DDX4: variants seen among roughly 807,000 people sequenced by gnomAD.
DDX4 encodes probable ATP-dependent RNA helicase DDX4.
In DDX4, 25 loss-of-function variants were observed where a neutral mutation model predicts 100.0. The observed-to-expected ratio is 0.25, with a 90% CI of 0.18 to 0.35. The LOEUF is 0.35. DDX4 is among the 10% of genes least tolerant of loss of function. The probability of loss-of-function intolerance (pLI) is 1.00; values close to 1 mark genes in which losing one functional copy is unlikely to be tolerated. For missense variants in DDX4, 635 were observed against 882.4 expected (o/e 0.72, Z 3.55); for synonymous variants, 259 against 275.7 (o/e 0.94, Z 0.60).
chr5:55,755,644 A>G (rs1235683614), intron 3 of DDX4, among the ~76,000 whole-genome samples: 1 of 152,012 alleles, frequency 6.6e-6, no homozygotes, highest in Non-Finnish European at 1.5e-5. Context: ...GCTCCGGAAC[A>G]TGAAAATTAC....
At chr5:55,760,589 G>A (rs1480178942) in intron 4 of DDX4, among the ~76,000 whole-genome samples, 3 of 152,124 alleles carry the variant, frequency 2.0e-5, no homozygotes, top group African/African-American at 7.2e-5. Context: ...ATTGATGTGG[G>A]AAGAATATTT....
intron 18 of DDX4, among the ~76,000 whole-genome samples, chr5:55,808,216 C>T (rs972879051): frequency 5.3e-5 from 8 of 152,040 alleles, no homozygotes; most frequent in Non-Finnish European, 7.4e-5. Context: ...GTTAGCCATT[C>T]GTCTAATTTT....
intron 17 of DDX4, among the ~76,000 whole-genome samples, chr5:55,798,028 A>C (rs1450767401): frequency 6.6e-6 from 1 of 152,200 alleles, no homozygotes; most frequent in African/African-American, 2.4e-5. Context: ...AAATAAAAGC[A>C]ATGAGTGGAG....
chr5:55,747,359 G>A (rs775518066), intron 3 of DDX4, among the ~76,000 whole-genome samples: 10 of 152,084 alleles, frequency 6.6e-5, no homozygotes, highest in Non-Finnish European at 1.0e-4. Flanking sequence ...GCCTGGAGAT[G>A]GAGTGAGACT....
chr5:55,803,703 C>T (rs1268188911), intron 18 of DDX4, among the ~76,000 whole-genome samples: 16 of 152,036 alleles, frequency 1.1e-4, no homozygotes, highest in Non-Finnish European at 1.9e-4. Context: ...ATATGTGCCA[C>T]ATTTTCTTAA....
chr5:55,782,548 A>C (rs1032910336), intron 10 of DDX4, among the ~76,000 whole-genome samples: 1 of 151,762 alleles, frequency 6.6e-6, no homozygotes, highest in African/African-American at 2.4e-5. Flanking sequence ...CAGTAAGCCG[A>C]GATCATACCA....
At chr5:55,758,270 A>G (rs1760067848) in intron 3 of DDX4, among the ~76,000 whole-genome samples, 1 of 152,194 alleles carries the variant, frequency 6.6e-6, no homozygotes, top group Admixed American at 6.5e-5. Context: ...ATACTGGGAT[A>G]AACCCAATTA....
intron 18 of DDX4, among the ~76,000 whole-genome samples, chr5:55,801,210 G>A (rs1207407673): frequency 6.8e-6 from 1 of 147,348 alleles, no homozygotes; most frequent in African/African-American, 2.5e-5. Flanking sequence ...AAAACATGAT[G>A]GGGTGTTTTT....
At chr5:55,746,998 G>A (rs972419613) in intron 3 of DDX4, among the ~76,000 whole-genome samples, 3 of 152,198 alleles carry the variant, frequency 2.0e-5, no homozygotes, top group East Asian at 1.9e-4. Flanking sequence ...TTGGGAAGCC[G>A]AAGTAGGAAG....
At position 55,766,986 on chromosome 5, in the gene DDX4, C is replaced by T. The variant is rs1197620492; in HGVS notation, c.335-895C>T. ...CTCCAGGTAGTTTTCAGGCAGCCTTCAGTATAGTAATCTCTCATACTACTA... is the reference window on the plus strand; with the variant it reads ...CTCCAGGTAGTTTTCAGGCAGCCTTTAGTATAGTAATCTCTCATACTACTA... On this transcript the variant is annotated intron_variant, in intron 6 of 21. Transcript: ENST00000505374. 3 of 1,532,576 alleles carry T rather than the reference C, an allele frequency of 2.0e-6. No homozygotes were observed. The African/African-American group carries it at 4.1e-5, about 21-fold the overall frequency. 94.9% of individuals were successfully genotyped at this position (1,532,576 alleles called of 1,614,324 possible).
chr5:55,747,425 G>A (rs565364071), intron 3 of DDX4, among the ~76,000 whole-genome samples: 2 of 152,242 alleles, frequency 1.3e-5, no homozygotes, highest in East Asian at 1.9e-4. Context: ...ATGGTGGCCT[G>A]TGCCTGTAGT....
At chr5:55,783,519 C>T (rs1742047251) in intron 10 of DDX4, among the ~76,000 whole-genome samples, 1 of 152,026 alleles carries the variant, frequency 6.6e-6, no homozygotes, top group South Asian at 2.1e-4. Flanking sequence ...CCTGATTGTT[C>T]ATCAAAAATT....
chr5:55,771,190 A>C (rs1741232650), intron 7 of DDX4, among the ~76,000 whole-genome samples: 1 of 152,294 alleles, frequency 6.6e-6, no homozygotes, highest in Admixed American at 6.5e-5. Context: ...TAGTTCAATT[A>C]TGTTTCACAA....
At chr5:55,775,873 C>T (rs978819476) in intron 7 of DDX4, among the ~76,000 whole-genome samples, 1 of 152,178 alleles carries the variant, frequency 6.6e-6, no homozygotes, top group Non-Finnish European at 1.5e-5. Context: ...GTAATCCCAG[C>T]ACTTTGGGAG....
At chr5:55,776,127 A>T (rs1030106810) in intron 7 of DDX4, among the ~76,000 whole-genome samples, 1 of 152,220 alleles carries the variant, frequency 6.6e-6, no homozygotes, top group African/African-American at 2.4e-5. Context: ...CTCAAAAAAC[A>T]AAAAACAAGA....
At chr5:55,776,677 T>C (rs1455559906) in intron 7 of DDX4, among the ~76,000 whole-genome samples, 1 of 152,128 alleles carries the variant, frequency 6.6e-6, no homozygotes, top group Non-Finnish European at 1.5e-5. Context: ...TTCAGATAAT[T>C]AGGTGCCAGG....
intron 18 of DDX4, among the ~76,000 whole-genome samples, chr5:55,811,035 T>A (rs914192598): frequency 2.0e-5 from 3 of 149,520 alleles, no homozygotes; most frequent in South Asian, 2.1e-4. Context: ...TTTTTTTTTT[T>A]AAACAGACCT....
At chr5:55,746,709 A>G (rs7711619) in intron 3 of DDX4, among the ~76,000 whole-genome samples, 124 of 152,296 alleles carry the variant, frequency 8.1e-4, no homozygotes, top group African/African-American at 2.9e-3. Flanking sequence ...AAAGGAACCC[A>G]TATCCTTCCT....
At chr5:55,812,920 A>G (rs1034582174) in intron 18 of DDX4, among the ~76,000 whole-genome samples, 5 of 151,820 alleles carry the variant, frequency 3.3e-5, no homozygotes, top group African/African-American at 9.7e-5. Flanking sequence ...TGTTTGCTGA[A>G]TAAATGAATG....
Sources: allele counts gnomAD v4.1 joint callset (sites outside exome capture counted in the v4.1 genomes callset), GRCh38; gene constraint gnomAD v4.1.1; transcripts MANE v1.5; gene names NCBI Gene and HGNC (gene_info 2026-07-23, HGNC 2026-07-21).